AKAP6: variants seen among roughly 807,000 people sequenced by gnomAD.
AKAP6 encodes A-kinase anchor protein 6.
Under a neutral mutation model 188.5 loss-of-function variants are expected in AKAP6, and 58 were observed. The observed-to-expected ratio is 0.31, with a 90% CI of 0.25 to 0.38. The LOEUF is 0.38. Ranked by LOEUF, AKAP6 falls within the 10% of genes least tolerant of loss-of-function variation. The pLI, the probability that AKAP6 is intolerant of heterozygous loss-of-function variation, is 1.00. For synonymous variants in AKAP6, 989 were observed against 998.6 expected (o/e 0.99, Z 0.18); for missense variants, 2,710 against 2,740.0 (o/e 0.99, Z 0.24).
At chr14:32,397,022 G>A (rs1243848652) in intron 1 of AKAP6, among the ~76,000 whole-genome samples, 1 of 152,136 alleles carries the variant, frequency 6.6e-6, no homozygotes. Flanking sequence ...TTGGCAGGTA[G>A]GAGAACAAAA....
chr14:32,598,983 A>G (rs1885813264), intron 5 of AKAP6, among the ~76,000 whole-genome samples: 2 of 152,142 alleles, frequency 1.3e-5, no homozygotes, highest in Non-Finnish European at 2.9e-5. Flanking sequence ...TACTATATTA[A>G]TGGATTTATA....
In AKAP6 at chr14:32,545,531, A is replaced by C; in HGVS notation, c.878A>C (p.Glu293Ala). 2 of 1,614,190 alleles carry C rather than the reference A, an allele frequency of 1.2e-6. No individual in the cohort carries two copies. Among genetic ancestry groups the C allele is most frequent in the Non-Finnish European group, 1.7e-6 (2 of 1,180,022 alleles). Residue 293 changes from glutamate to alanine, a missense_variant, in exon 4 of 14, where the codon GAG becomes GCG. Physicochemically the swap from Glu to Ala is moderately radical, Grantham distance 107. Around this residue, in one of 2 missense-constraint regions of AKAP6, gnomAD observed 2,473 missense variants for 2,426.1 expected, o/e 1.02. Transcript: ENST00000280979. ...AATGGCAGTGAAGCAGTTACTGAGG[A>C]GGTATCTCAAGTATCTCTCTCAGTA... ...STNGSEAVTEEVSQVSLSVDD... is the reference protein window; with the variant it reads ...STNGSEAVTEAVSQVSLSVDD...
chr14:32,802,198 T>C (rs573843386), intron 12 of AKAP6, among the ~76,000 whole-genome samples: 7 of 152,336 alleles, frequency 4.6e-5, no homozygotes, highest in African/African-American at 1.7e-4. Flanking sequence ...GGGAATTTTT[T>C]GTTTATTGTA....
chr14:32,691,015 G>A (rs557091736), intron 8 of AKAP6, among the ~76,000 whole-genome samples: 2 of 152,150 alleles, frequency 1.3e-5, no homozygotes, highest in East Asian at 3.9e-4. Context: ...ATCCTAACAG[G>A]CCTTTTAACA....
At chr14:32,436,738 A>G (rs533530068) in intron 2 of AKAP6, among the ~76,000 whole-genome samples, 2 of 152,240 alleles carry the variant, frequency 1.3e-5, no homozygotes, top group African/African-American at 2.4e-5. Context: ...GGAGTTTGAG[A>G]CCAGACTGGG....
chr14:32,463,790 T>C (rs1878223915), intron 2 of AKAP6, among the ~76,000 whole-genome samples: 1 of 151,984 alleles, frequency 6.6e-6, no homozygotes, highest in Admixed American at 6.5e-5. Flanking sequence ...CTTCAAAAAA[T>C]CGATGAACCC....
At chr14:32,548,311 A>T (rs995233979) in intron 4 of AKAP6, among the ~76,000 whole-genome samples, 1 of 152,038 alleles carries the variant, frequency 6.6e-6, no homozygotes, top group Non-Finnish European at 1.5e-5. Flanking sequence ...CATGTTGGCC[A>T]GGCTAGTCTC....
chr14:32,612,793 A>C (rs901215632), intron 7 of AKAP6, among the ~76,000 whole-genome samples: 48 of 152,300 alleles, frequency 3.2e-4, no homozygotes, highest in African/African-American at 1.1e-3. Flanking sequence ...TCTTTGAAAA[A>C]CATTAAAAGC....
rs1370180520 is a variant in AKAP6 at position 32,545,470 on chromosome 14, G to A, written c.817G>A (p.Gly273Ser). ...GTTTCCTGAGCTTATCCGAAGTGTT[G>A]GTTTACTTACGGTAGCTGCTGACTC... Reference protein sequence around the residue: ...KEFPELIRSVGLLTVAADSIS... With the variant: ...KEFPELIRSVSLLTVAADSIS... The change falls in exon 4 of 14, where the codon GGT becomes AGT. Residue 273 changes from glycine (G) to serine (S), a missense_variant. Gly to Ser is a moderately conservative substitution (Grantham distance 56). Coordinates refer to ENST00000280979, the MANE Select transcript of AKAP6 (RefSeq NM_004274.5). 6.2e-7 allele frequency: 1 copy of A among 1,614,086 alleles called. No homozygotes were observed. The highest frequency in any genetic ancestry group is 8.5e-7 in the Non-Finnish European group (1 of 1,180,030).
intron 10 of AKAP6, among the ~76,000 whole-genome samples, chr14:32,735,094 A>G (rs2031351195): frequency 1.3e-5 from 2 of 152,190 alleles, no homozygotes; most frequent in South Asian, 2.1e-4. Context: ...CAAGTCAGGT[A>G]AAATCAACAA....
Position 32,833,567 on chromosome 14 carries a change from C to CA in AKAP6, c.*3762_*3763insA, listed in dbSNP as rs1231402477. On this transcript the variant is annotated 3_prime_UTR_variant, in exon 14 of 14. Coordinates refer to ENST00000280979, the MANE Select transcript of AKAP6 (RefSeq NM_004274.5). ...AACCTAAATTTAGGGCTTCTGGAAA[C>CA]CTGAGTTTGATGACTTTGTTGTGTT... 4 of 152,090 alleles carry CA rather than the reference C, an allele frequency of 2.6e-5. No homozygotes were observed. The highest frequency in any genetic ancestry group is 9.7e-5 in the African/African-American group (4 of 41,398). 9.4% of individuals were successfully genotyped at this position (152,090 alleles called of 1,614,324 possible).
In AKAP6 at chr14:32,368,748, G is replaced by A. The variant is rs1023714535; in HGVS notation, c.-35+39340G>A. Among the ~76,000 whole-genome samples the A allele has an allele frequency of 1.4e-4, 21 of 152,194 alleles. No individual in the cohort carries two copies. In the South Asian group the frequency reaches 1.9e-3, roughly 14 times the overall value. ...CTTACAAGCTAATAATTAAACATGT[G>A]TTTGAGCACCTACTATGTACTAGGT... On this transcript the variant is annotated intron_variant, in intron 1 of 13. Coordinates refer to ENST00000280979, the MANE Select transcript of AKAP6 (RefSeq NM_004274.5).
chr14:32,553,976 A>G (rs910613203), intron 4 of AKAP6, among the ~76,000 whole-genome samples: 3 of 152,274 alleles, frequency 2.0e-5, no homozygotes, highest in African/African-American at 4.8e-5. Context: ...GTTCCGATAC[A>G]TTCAAGAAAT....
intron 2 of AKAP6, among the ~76,000 whole-genome samples, chr14:32,449,436 C>T (rs866874556): frequency 2.0e-5 from 3 of 149,042 alleles, no homozygotes; most frequent in South Asian, 2.1e-4. Flanking sequence ...GCAGGAGAAT[C>T]GCTTGAACCC....
chr14:32,481,522 C>G (rs902179107), intron 2 of AKAP6, among the ~76,000 whole-genome samples: 6 of 152,140 alleles, frequency 3.9e-5, no homozygotes, highest in Non-Finnish European at 5.9e-5. Context: ...AAAGGCACAC[C>G]TTACTTGGTG....
chr14:32,814,028 G>A (rs1333900311), intron 12 of AKAP6, among the ~76,000 whole-genome samples: 1 of 152,046 alleles, frequency 6.6e-6, no homozygotes, highest in Non-Finnish European at 1.5e-5. Context: ...CAAGACTGGT[G>A]CTGGGACAAA....
At chr14:32,763,922 A>G (rs377402668) in intron 11 of AKAP6, among the ~76,000 whole-genome samples, 3 of 152,252 alleles carry the variant, frequency 2.0e-5, no homozygotes, top group East Asian at 3.9e-4. Context: ...ATGTTTTGCT[A>G]TTTTGAAGAA....
At position 32,741,230 on chromosome 14, in the gene AKAP6, C is replaced by G. The variant is rs143638218; in HGVS notation, c.3372+5348C>G. Among the ~76,000 whole-genome samples the G allele has an allele frequency of 1.9e-3, 286 of 151,878 alleles. 2 individuals are homozygous for G. The highest frequency in any genetic ancestry group is 6.6e-3 in the African/African-American group (272 of 41,460). ...GATTTTGTTATGTTGATTTTGTATC[C>G]CGCAACTTTACTGAATTTATCAGTT... On this transcript the variant is annotated intron_variant, in intron 11 of 13. Transcript: ENST00000280979.
chr14:32,399,858 T>C (rs971513838), intron 1 of AKAP6, among the ~76,000 whole-genome samples: 2 of 152,220 alleles, frequency 1.3e-5, no homozygotes, highest in Non-Finnish European at 2.9e-5. Flanking sequence ...AATTCTATTA[T>C]GTGAAGTTCA....
Sources: allele counts gnomAD v4.1 joint callset (sites outside exome capture counted in the v4.1 genomes callset), GRCh38; gene constraint gnomAD v4.1.1; regional missense constraint gnomAD v4.1.1; transcripts MANE v1.5; gene names NCBI Gene and HGNC (gene_info 2026-07-23, HGNC 2026-07-21).